Variants in ITGA4 observed in about 807,000 individuals in gnomAD.
ITGA4 encodes integrin alpha-4.
ITGA4 carries 63 observed loss-of-function variants against 133.6 expected under a neutral mutation model. The observed-to-expected ratio is 0.47, with a 90% confidence interval of 0.38 to 0.58. The LOEUF (loss-of-function observed/expected upper bound fraction) is 0.58, where lower values mean the gene tolerates loss of function less well. Ranked by LOEUF, ITGA4 falls within the 20% of genes least tolerant of loss-of-function variation. The pLI is 0.00. For synonymous variants in ITGA4, 483 were observed against 438.0 expected, an observed-to-expected ratio of 1.10 and a Z score of -1.28; for missense variants, 1,076 against 1,252.7, an observed-to-expected ratio of 0.86 and a Z score of 2.13.
chr2:181,526,689 A>T (rs140248188), intron 21 of ITGA4, among the ~76,000 whole-genome samples: 119 of 152,184 alleles, frequency 7.8e-4, no homozygotes, highest in Non-Finnish European at 1.5e-3. Flanking sequence ...ACATTTGCCA[A>T]ATTTACATGA....
chr2:181,522,061 T>G, intron 17 of ITGA4, 130 bp from the exon 18 acceptor site: 1 of 484,194 alleles, frequency 2.1e-6, no homozygotes, highest in Non-Finnish European at 3.6e-6. Flanking sequence ...GTCAATCCCA[T>G]GATTGTTTTT....
chr2:181,538,310 G>A lies in ITGA4; in HGVS notation c.*2783G>A. The stretch of plus-strand genomic sequence containing the variant: ...TTTTTCACATACACCTAATAAGTAT[G>A]GTACACAATGCCAATGCCAAATACA... On this transcript the variant is annotated 3_prime_UTR_variant, in exon 28 of 28. Transcript: ENST00000397033. The A allele has an allele frequency of 3.4e-6, 3 of 892,224 alleles. No individual in the cohort carries two copies. Among genetic ancestry groups the A allele is most frequent in the Non-Finnish European group, 5.6e-6 (3 of 536,380 alleles). The allele number at this position is 892,224 out of a possible 1,614,324, so 55.3% of individuals were successfully genotyped here.
At chr2:181,527,524 G>A in intron 22 of ITGA4, 137 bp downstream of exon 22, 1 of 604,966 alleles carries the variant, frequency 1.7e-6, no homozygotes, top group East Asian at 3.0e-5. Context: ...GGCAGCAGCA[G>A]TGGTACTCCT....
intron 2 of ITGA4, among the ~76,000 whole-genome samples, chr2:181,461,996 C>G (rs774384432): frequency 6.6e-6 from 1 of 151,782 alleles, no homozygotes. Flanking sequence ...ATTTATTAGG[C>G]GAAATAAAAT....
chr2:181,475,083 G>T lies in ITGA4; in HGVS notation c.426+17G>T, dbSNP rs1293475948. 1 of 1,610,234 alleles carries T rather than the reference G, an allele frequency of 6.2e-7. No individual in the cohort carries two copies. Among genetic ancestry groups the T allele is most frequent in the Non-Finnish European group, 8.5e-7 (1 of 1,176,574 alleles). ...TCCATCGTGGTAGGTATTGGAACTG[G>T]TCCACAGATCCATCGTGAAATCAGC... is the stretch of plus-strand genomic sequence containing the variant. On this transcript the variant is annotated intron_variant, in intron 3 of 27. Coordinates refer to ENST00000397033, the MANE Select transcript of ITGA4 (RefSeq NM_000885.6).
rs1686734588 is a variant in ITGA4, at chr2:181,522,170, ATAAT to A, written c.1923-20_1923-17del. On this transcript the variant is annotated splice_polypyrimidine_tract_variant and intron_variant, in intron 17 of 27. Coordinates refer to ENST00000397033, the MANE Select transcript of ITGA4 (RefSeq NM_000885.6). ...TTTTTATTTCCTAAACAAGAACTAA[ATAAT>A]ATTACTTAATTTTTAGGCCCCATGA... 1 of 1,477,154 alleles carries A rather than the reference ATAAT, an allele frequency of 6.8e-7. No homozygotes were observed. The highest frequency in any genetic ancestry group is 1.8e-5 in the Admixed American group (1 of 54,584). 91.5% of individuals were successfully genotyped at this position (1,477,154 alleles called of 1,614,324 possible).
intron 10 of ITGA4, among the ~76,000 whole-genome samples, chr2:181,492,195 G>C (rs962708726): frequency 6.6e-6 from 1 of 152,186 alleles, no homozygotes; most frequent in Non-Finnish European, 1.5e-5. Flanking sequence ...GGGCATATTT[G>C]TATATGAAAG....
chr2:181,484,870 T>C (rs1559043421), intron 9 of ITGA4, among the ~76,000 whole-genome samples: 1 of 152,160 alleles, frequency 6.6e-6, no homozygotes, highest in African/African-American at 2.4e-5. Flanking sequence ...TATTGGAAAA[T>C]TCACAAGTGA....
chr2:181,522,389 T>G (rs778576008), intron 18 of ITGA4, 48 bp downstream of exon 18: 23 of 1,350,460 alleles, frequency 1.7e-5, no homozygotes, highest in Non-Finnish European at 2.2e-5. Context: ...GTATTTTACT[T>G]AATTTTTTAA....
intron 15 of ITGA4, among the ~76,000 whole-genome samples, chr2:181,499,616 G>A (rs1030960060): frequency 2.0e-5 from 3 of 152,036 alleles, no homozygotes; most frequent in Non-Finnish European, 4.4e-5. Context: ...ACTCCAATAC[G>A]CTATTAAATG....
At chr2:181,467,183 A>G (rs1402713846) in intron 2 of ITGA4, among the ~76,000 whole-genome samples, 2 of 151,976 alleles carry the variant, frequency 1.3e-5, no homozygotes, top group East Asian at 1.9e-4. Context: ...GAACAATTTG[A>G]AATGTATGGG....
At chr2:181,488,779 C>T (rs1337143616) in intron 10 of ITGA4, among the ~76,000 whole-genome samples, 1 of 152,110 alleles carries the variant, frequency 6.6e-6, no homozygotes. Flanking sequence ...AGGATGGTCT[C>T]TATCTCCTGA....
At position 181,537,640 on chromosome 2, in the gene ITGA4, A is replaced by AAAAAT. The variant is rs1307210957; in HGVS notation, c.*2114_*2118dup. 4.6e-6 allele frequency: 2 copies of AAAAAT among 435,268 alleles called. No homozygotes were observed. Among genetic ancestry groups the AAAAAT allele is most frequent in the Admixed American group, 5.2e-5 (2 of 38,268 alleles). 27.0% of individuals were successfully genotyped at this position (435,268 alleles called of 1,614,324 possible). ...ACATAATTGATGAGCTCAAATCCTGAAAAATGAAAGAATCCAAATTATTTC... is the reference window on the plus strand; with the variant it reads ...ACATAATTGATGAGCTCAAATCCTGAAAAATAAAATGAAAGAATCCAAATTATTTC... On this transcript the variant is annotated 3_prime_UTR_variant, in exon 28 of 28. Coordinates refer to ENST00000397033, the MANE Select transcript of ITGA4 (RefSeq NM_000885.6).
intron 2 of ITGA4, among the ~76,000 whole-genome samples, chr2:181,463,346 A>G (rs550802007): frequency 2.0e-5 from 3 of 152,278 alleles, no homozygotes; most frequent in Admixed American, 6.5e-5. Context: ...TGTGTTTGAC[A>G]GATTCTCTGG....
At chr2:181,528,977 CA>C (rs1304526628) in intron 22 of ITGA4, among the ~76,000 whole-genome samples, 1 of 152,178 alleles carries the variant, frequency 6.6e-6, no homozygotes, top group Non-Finnish European at 1.5e-5. Context: ...AATGCATCAG[CA>C]TATAGATCCT....
At chr2:181,477,818 A>G (rs1004260640) in intron 4 of ITGA4, among the ~76,000 whole-genome samples, 1 of 152,078 alleles carries the variant, frequency 6.6e-6, no homozygotes, top group Non-Finnish European at 1.5e-5. Flanking sequence ...AAACTACCAT[A>G]TGGTCCAGCA....
At position 181,516,235 on chromosome 2, in the gene ITGA4, G is replaced by A. The variant is rs1686604579; in HGVS notation, c.1922+4460G>A. Among the ~76,000 whole-genome samples, 1 of 152,072 alleles carries A rather than the reference G, an allele frequency of 6.6e-6. No homozygotes were observed. Among genetic ancestry groups the A allele is most frequent in the Non-Finnish European group, 1.5e-5 (1 of 67,996 alleles). ...CCTCAGTTGTGCTTCCAGAATGAGT[G>A]ATGTAAGCTTTCCCTGAACAATTGC... is the stretch of plus-strand genomic sequence containing the variant. On this transcript the variant is annotated intron_variant, in intron 17 of 27. Coordinates refer to ENST00000397033, the MANE Select transcript of ITGA4 (RefSeq NM_000885.6). The surrounding 1 kb of genome is among the most constrained non-coding windows in gnomAD (Gnocchi z 4.0).
chr2:181,494,058 G>C (rs1054679596), intron 11 of ITGA4, among the ~76,000 whole-genome samples: 4 of 152,096 alleles, frequency 2.6e-5, no homozygotes, highest in African/African-American at 4.8e-5. Context: ...TGACATAAAA[G>C]AAATGTATTT....
At chr2:181,491,972 A>G (rs1463759708) in intron 10 of ITGA4, among the ~76,000 whole-genome samples, 4 of 147,228 alleles carry the variant, frequency 2.7e-5, no homozygotes, top group African/African-American at 4.9e-5. Flanking sequence ...GGATACTTTA[A>G]TCTCATCTTG....
Sources: gnomAD v4.1 joint callset for allele counts (sites outside exome capture counted in the v4.1 genomes callset) on GRCh38, gnomAD v4.1.1 for gene constraint, Gnocchi (gnomAD v3.1) non-coding constraint, MANE v1.5 for transcripts, NCBI Gene and HGNC (gene_info 2026-07-23, HGNC 2026-07-21) for gene names.